Variants in CPLANE1 observed in about 807,000 individuals in gnomAD.
CPLANE1 encodes ciliogenesis and planar polarity effector complex subunit 1, also known as ciliogenesis and planar polarity effector 1.
A neutral mutation model predicts 362.5 loss-of-function variants in CPLANE1; 263 were observed. The ratio of observed to expected loss-of-function variants is 0.73; its 90% confidence interval spans 0.66 to 0.80. The LOEUF is 0.80. CPLANE1 is among the 30% of genes least tolerant of loss of function. The pLI is 0.00. For synonymous variants in CPLANE1, 1,212 were observed against 1,302.6 expected (o/e 0.93, Z 1.50); for missense variants, 3,461 against 3,793.4 (o/e 0.91, Z 2.30).
chr5:37,173,905 T>C lies in CPLANE1; in HGVS notation c.6021A>G (p.Pro2007=). Residue 2007 remains proline, a synonymous_variant, in exon 32 of 53, where the codon CCA becomes CCG. Coordinates refer to ENST00000651892, the MANE Select transcript of CPLANE1 (RefSeq NM_001384732.1). ...STYKEKSSSV[P]LLISNGVNVA... is the part of the protein sequence containing the mutation. Reference sequence around the variant, plus strand: ...CATTGACTCCATTTGATATCAGAAGTGGAACTGAGGAAGATTTTTCTTTAT... The same window carrying C: ...CATTGACTCCATTTGATATCAGAAGCGGAACTGAGGAAGATTTTTCTTTAT... The C allele has an allele frequency of 6.2e-7, 1 of 1,614,128 alleles. No individual in the cohort carries two copies. Among genetic ancestry groups the C allele is most frequent in the Non-Finnish European group, 8.5e-7 (1 of 1,180,006 alleles).
downstream of CPLANE1, among the ~76,000 whole-genome samples, chr5:37,104,628 G>A (rs1354578431): frequency 7.3e-5 from 10 of 137,282 alleles, no homozygotes; most frequent in East Asian, 2.3e-4. Context: ...TAATTCAGCC[G>A]GGCATGGTGG....
At chr5:37,207,676 A>G (rs1016950681) in intron 16 of CPLANE1, among the ~76,000 whole-genome samples, 2 of 152,186 alleles carry the variant, frequency 1.3e-5, no homozygotes, top group African/African-American at 4.8e-5. Context: ...GACTGATTAT[A>G]TTTGCTGACC....
At chr5:37,245,318 T>C (rs1196024651) in intron 4 of CPLANE1, among the ~76,000 whole-genome samples, 161 bp downstream of exon 4, 1 of 80,772 alleles carries the variant, frequency 1.2e-5, no homozygotes, top group Non-Finnish European at 2.9e-5. Flanking sequence ...TATATATATA[T>C]ATATATATAT....
At chr5:37,196,080 AAGAT>A in intron 20 of CPLANE1, 84 bp from the exon 21 acceptor site, 1 of 1,137,604 alleles carries the variant, frequency 8.8e-7, no homozygotes, top group Non-Finnish European at 1.2e-6. Flanking sequence ...TCAGGCAGGT[AAGAT>A]AAGCCACACA....
At chr5:37,202,626 G>C (rs1789526705) in intron 18 of CPLANE1, among the ~76,000 whole-genome samples, 1 of 152,102 alleles carries the variant, frequency 6.6e-6, no homozygotes, top group African/African-American at 2.4e-5. Flanking sequence ...AGATGTGGTG[G>C]TAGAACTGGA....
At chr5:37,150,148 C>T (rs1773071174) in intron 42 of CPLANE1, among the ~76,000 whole-genome samples, 2 of 152,266 alleles carry the variant, frequency 1.3e-5, no homozygotes, top group South Asian at 4.1e-4. Flanking sequence ...TCTTGACATG[C>T]ACAGGAGTCC....
At chr5:37,159,488 T>G (rs1776270830) in intron 38 of CPLANE1, among the ~76,000 whole-genome samples, 1 of 152,226 alleles carries the variant, frequency 6.6e-6, no homozygotes. Flanking sequence ...TTTTACCACT[T>G]AAGGTGTTTT....
Position 37,107,047 on chromosome 5 carries a change from G to T in CPLANE1, c.*555C>A. ...TCAGGCTACAGGGCAGAAGACAGAA[G>T]ATCTCCTGGCCTCCATGAAACTTTG... On this transcript the variant is annotated 3_prime_UTR_variant, in exon 53 of 53. Coordinates refer to ENST00000651892, the MANE Select transcript of CPLANE1 (RefSeq NM_001384732.1). 1.0e-6 allele frequency: 1 copy of T among 985,432 alleles called. No homozygotes were observed. The highest frequency in any genetic ancestry group is 1.2e-6 in the Non-Finnish European group (1 of 829,926). 61.0% of individuals were successfully genotyped at this position (985,432 alleles called of 1,614,324 possible).
chr5:37,097,199 AAAAAC>A, the CPLANE1 span, among the ~76,000 whole-genome samples: 1 of 152,096 alleles, frequency 6.6e-6, no homozygotes. Flanking sequence ...TTAAAAATTA[AAAAAC>A]AAAACAAACA....
Position 37,172,734 on chromosome 5 carries a change from C to T in CPLANE1, c.6171+1021G>A, listed in dbSNP as rs148159892. ...GGCACAGCGGCTCACGCCTGTAATC[C>T]TAGCACTTTGGGAGGCCAAGGCAGG... On this transcript the variant is annotated intron_variant, in intron 32 of 52. Coordinates refer to ENST00000651892, the MANE Select transcript of CPLANE1 (RefSeq NM_001384732.1). Among the ~76,000 whole-genome samples the T allele has an allele frequency of 5.9e-3, 894 of 152,324 alleles. 34 individuals carry two copies. The highest frequency in any genetic ancestry group is 0.052 in the Admixed American group (792 of 15,294).
rs1293502990 is a variant in CPLANE1, at chr5:37,107,142, T to C, written c.*460A>G. ...TTTCACTCCTAGGCTAAACCCTGCA[T>C]AGGTGTTTTAAAATAGGGTTCATAA... On this transcript the variant is annotated 3_prime_UTR_variant, in exon 53 of 53. Transcript: ENST00000651892. The C allele has an allele frequency of 1.0e-6, 1 of 985,444 alleles. No homozygotes were observed. Among genetic ancestry groups the C allele is most frequent in the Admixed American group, 6.1e-5 (1 of 16,284 alleles). 61.0% of individuals were successfully genotyped at this position (985,444 alleles called of 1,614,324 possible). A position where few individuals can be genotyped will look rare whatever the true frequency, so the allele number is the denominator to read the frequency against.
intron 15 of CPLANE1, among the ~76,000 whole-genome samples, chr5:37,219,063 C>T (rs1794789174): frequency 6.6e-6 from 1 of 151,936 alleles, no homozygotes; most frequent in Non-Finnish European, 1.5e-5. Context: ...ACTATCCTGT[C>T]ATTTAAAAAG....
chr5:37,210,555 C>A, intron 16 of CPLANE1: 1 of 1,505,248 alleles, frequency 6.6e-7, no homozygotes, highest in Admixed American at 1.8e-5. Context: ...GGAACTCAAT[C>A]AATCTATAAA....
chr5:37,144,217 GGTTA>G lies in CPLANE1; in HGVS notation c.8462-1741_8462-1738del, dbSNP rs1561391861. 1.1e-3 allele frequency among the ~76,000 whole-genome samples: 161 copies of G among 151,536 alleles called. 3 individuals carry two copies. Among genetic ancestry groups the G allele is most frequent in the African/African-American group, 3.7e-3 (153 of 41,186 alleles). ...GAGATCAGGAGATTGAGACCATCCT[GGTTA>G]ACACGGTGAAAACCCGTCTCTACTA... On this transcript the variant is annotated intron_variant, in intron 43 of 52. Coordinates refer to ENST00000651892, the MANE Select transcript of CPLANE1 (RefSeq NM_001384732.1).
At chr5:37,091,705 T>C in the CPLANE1 span, among the ~76,000 whole-genome samples, 537 of 152,336 alleles carry the variant, frequency 3.5e-3, 3 homozygotes, top group African/African-American at 0.012. Context: ...CAGTAATGAA[T>C]GGTGTGATCC....
chr5:37,079,304 T>A, the CPLANE1 span, among the ~76,000 whole-genome samples: 5 of 152,318 alleles, frequency 3.3e-5, no homozygotes, highest in East Asian at 9.7e-4. Flanking sequence ...ATTGATTAAA[T>A]AGGGAGTCCT....
downstream of CPLANE1, among the ~76,000 whole-genome samples, chr5:37,103,673 T>C (rs1293518164): frequency 6.6e-6 from 1 of 152,228 alleles, no homozygotes; most frequent in Non-Finnish European, 1.5e-5. Flanking sequence ...ATTCTTTTCT[T>C]TAAGAATGTT....
chr5:37,122,122 G>C (rs1482514405), intron 48 of CPLANE1, among the ~76,000 whole-genome samples: 1 of 152,112 alleles, frequency 6.6e-6, no homozygotes, highest in Non-Finnish European at 1.5e-5. Context: ...TGATTAGGCA[G>C]TATTATTAAA....
At chr5:37,235,838 G>C (rs1342611317) in intron 8 of CPLANE1, among the ~76,000 whole-genome samples, 1 of 147,764 alleles carries the variant, frequency 6.8e-6, no homozygotes, top group Non-Finnish European at 1.5e-5. Context: ...CCAAAGTGCT[G>C]GGATTACAGG....
Sources: gnomAD v4.1 joint callset for allele counts (sites outside exome capture counted in the v4.1 genomes callset) on GRCh38, gnomAD v4.1.1 for gene constraint, MANE v1.5 for transcripts, NCBI Gene and HGNC (gene_info 2026-07-23, HGNC 2026-07-21) for gene names.